MYO18B: variants seen among roughly 807,000 people sequenced by gnomAD.
MYO18B encodes myosin XVIIIB, also known as unconventional myosin-XVIIIb.
In MYO18B, 204 loss-of-function variants were observed where a neutral mutation model predicts 273.0. The observed-to-expected ratio is 0.75, with a 90% CI of 0.67 to 0.84. MYO18B has a LOEUF of 0.84. Ranked by LOEUF, MYO18B falls within the 40% of genes least tolerant of loss-of-function variation. The pLI, the probability that MYO18B is intolerant of heterozygous loss-of-function variation, is 0.00. For missense variants in MYO18B, 3,212 were observed against 3,287.6 expected (o/e 0.98, Z 0.56); for synonymous variants, 1,330 against 1,305.7 (o/e 1.02, Z -0.40).
rs768235451 is a variant in MYO18B at position 26,027,122 on chromosome 22, G to A, written c.7148G>A (p.Arg2383Gln). 7 of 1,613,828 alleles carry A rather than the reference G, an allele frequency of 4.3e-6. No individual in the cohort carries two copies. Among genetic ancestry groups the A allele is most frequent in the African/African-American group, 4.0e-5 (3 of 74,916 alleles). ...CTGTTGTCGCCCACACTGCGTCCTCGGAGGCGGTGTCTGGAGTCCTCTGTG... is the reference window on the plus strand; with the variant it reads ...CTGTTGTCGCCCACACTGCGTCCTCAGAGGCGGTGTCTGGAGTCCTCTGTG... ...DMLLSPTLRP[R>Q]RRCLESSVDD... The change falls in exon 43 of 44, where the codon CGG (arginine) becomes CAG (glutamine). Residue 2383 changes from arginine to glutamine, a missense_variant. Physicochemically the swap from Arg to Gln is conservative, Grantham distance 43. Coordinates refer to ENST00000335473, the MANE Select transcript of MYO18B (RefSeq NM_032608.7). The surrounding 1 kb of genome is among the most constrained non-coding windows in gnomAD (Gnocchi z 4.1).
the MYO18B span, among the ~76,000 whole-genome samples, chr22:26,043,071 C>G: frequency 6.6e-6 from 1 of 152,196 alleles, no homozygotes; most frequent in Non-Finnish European, 1.5e-5. Context: ...GTTCCCTCCT[C>G]CCCCAAGCAA....
chr22:25,777,876 C>A, intron 8 of MYO18B, 95 bp downstream of exon 8: 1 of 1,259,350 alleles, frequency 7.9e-7, no homozygotes, highest in Non-Finnish European at 1.1e-6. Flanking sequence ...ATTCAGCTAG[C>A]ATTCACTGAG....
chr22:25,779,126 G>T (rs1037519633), intron 8 of MYO18B, among the ~76,000 whole-genome samples: 1 of 152,062 alleles, frequency 6.6e-6, no homozygotes, highest in Non-Finnish European at 1.5e-5. Context: ...CATAAAAAGA[G>T]TAAAATTTTT....
chr22:26,045,877 A>G, the MYO18B span, among the ~76,000 whole-genome samples: 3 of 152,240 alleles, frequency 2.0e-5, no homozygotes, highest in African/African-American at 7.2e-5. Flanking sequence ...ACCCGTGTAT[A>G]CCACTGGGCT....
At chr22:25,761,657 C>G (rs560553740) in intron 2 of MYO18B, among the ~76,000 whole-genome samples, 2 of 152,166 alleles carry the variant, frequency 1.3e-5, no homozygotes, top group Admixed American at 1.3e-4. Context: ...TTCTAAGATG[C>G]CTGTTACTTC....
intron 11 of MYO18B, among the ~76,000 whole-genome samples, chr22:25,787,730 C>A (rs1156944732): frequency 6.6e-6 from 1 of 152,064 alleles, no homozygotes; most frequent in African/African-American, 2.4e-5. Flanking sequence ...CTTGCTAAAC[C>A]AAATACTAGG....
chr22:25,961,006 A>G (rs370740092), intron 39 of MYO18B, among the ~76,000 whole-genome samples: 5 of 152,156 alleles, frequency 3.3e-5, no homozygotes, highest in East Asian at 3.9e-4. Context: ...GAGAGAGAGA[A>G]AGAAAGAAAG....
At chr22:25,799,842 G>A (rs1433343845) in intron 12 of MYO18B, among the ~76,000 whole-genome samples, 1 of 152,090 alleles carries the variant, frequency 6.6e-6, no homozygotes, top group Admixed American at 6.6e-5. Flanking sequence ...GCTGGGCTGG[G>A]GCAAATATGA....
In MYO18B at chr22:25,797,942, T is replaced by G. The variant is rs942221667; in HGVS notation, c.2377-11T>G. The G allele has an allele frequency of 2.5e-6, 4 of 1,613,864 alleles. No individual in the cohort carries two copies. In the African/African-American group the frequency reaches 5.3e-5, roughly 22 times the overall value. On this transcript the variant is annotated splice_polypyrimidine_tract_variant and intron_variant, in intron 11 of 43. Coordinates refer to ENST00000335473, the MANE Select transcript of MYO18B (RefSeq NM_032608.7). ...TGGCCTTGTTTTCTTCCTCTCTCCC[T>G]TTGCCCGCAGCCTGAAGATAAACAG...
intron 1 of MYO18B, among the ~76,000 whole-genome samples, chr22:25,747,929 G>A (rs750421377): frequency 4.6e-5 from 7 of 152,194 alleles, no homozygotes; most frequent in Non-Finnish European, 8.8e-5. Flanking sequence ...AACAGGCATA[G>A]TGAGGCCCAC....
At chr22:25,781,565 A>G (rs943470888) in intron 9 of MYO18B, among the ~76,000 whole-genome samples, 169 bp from the exon 10 acceptor site, 3 of 146,838 alleles carry the variant, frequency 2.0e-5, no homozygotes, top group Non-Finnish European at 4.5e-5. Flanking sequence ...AGCCGAGATC[A>G]CGCCACCGCA....
intron 27 of MYO18B, 143 bp from the exon 28 acceptor site, chr22:25,895,013 T>G (rs1679941647): frequency 2.0e-6 from 2 of 979,346 alleles, no homozygotes; most frequent in Non-Finnish European, 2.9e-6. Context: ...GCATAGTTTC[T>G]TGGTCCAAGG....
intron 33 of MYO18B, among the ~76,000 whole-genome samples, chr22:25,919,152 G>C (rs2092304185): frequency 6.6e-6 from 1 of 152,014 alleles, no homozygotes; most frequent in Admixed American, 6.6e-5. Context: ...TACCTAAAAT[G>C]CTCTTCCTCC....
At position 25,880,872 on chromosome 22, in the gene MYO18B, T is replaced by A. The variant is rs1157229303; in HGVS notation, c.4314+2824T>A. Among the ~76,000 whole-genome samples the A allele has an allele frequency of 2.6e-5, 4 of 152,268 alleles. No individual in the cohort carries two copies. In the East Asian group the frequency reaches 7.7e-4, roughly 29 times the overall value. ...GGGGATGTTGGACTCTAGATCTGAA[T>A]GATTTGCTGTAATCTATATGCAGAT... On this transcript the variant is annotated intron_variant, in intron 25 of 43. Coordinates refer to ENST00000335473, the MANE Select transcript of MYO18B (RefSeq NM_032608.7).
chr22:26,057,423 A>T, the MYO18B span, among the ~76,000 whole-genome samples: 1 of 152,180 alleles, frequency 6.6e-6, no homozygotes, highest in African/African-American at 2.4e-5. Flanking sequence ...AGACTGTCAT[A>T]AAGTTGTCTT....
intron 33 of MYO18B, among the ~76,000 whole-genome samples, chr22:25,914,757 C>T (rs1341804267): frequency 2.4e-5 from 3 of 124,752 alleles, no homozygotes; most frequent in Admixed American, 1.0e-4. Context: ...AGTGCAGCGG[C>T]GCGATCTCAG....
intron 15 of MYO18B, 34 bp from the exon 16 acceptor site, chr22:25,832,883 A>T: frequency 6.3e-7 from 1 of 1,593,836 alleles, no homozygotes. Flanking sequence ...CAGCTCGCTA[A>T]AAGTGCTAAC....
At chr22:26,009,715 C>T (rs1025753369) in intron 42 of MYO18B, among the ~76,000 whole-genome samples, 2 of 152,052 alleles carry the variant, frequency 1.3e-5, no homozygotes, top group Non-Finnish European at 2.9e-5. Flanking sequence ...CCTTGGTTCT[C>T]CTCAAACTTC....
intron 34 of MYO18B, among the ~76,000 whole-genome samples, chr22:25,933,540 T>A (rs1329548264): frequency 6.6e-6 from 1 of 152,244 alleles, no homozygotes; most frequent in Non-Finnish European, 1.5e-5. Context: ...TCTTGCCTTT[T>A]TTCCCTCTAT....
Sources: gnomAD v4.1 joint callset for allele counts (sites outside exome capture counted in the v4.1 genomes callset) on GRCh38, gnomAD v4.1.1 for gene constraint, Gnocchi (gnomAD v3.1) non-coding constraint, MANE v1.5 for transcripts, NCBI Gene and HGNC (gene_info 2026-07-23, HGNC 2026-07-21) for gene names.